The following CNDP2 variants were observed in gnomAD, a reference collection of about 807,000 sequenced individuals.
CNDP2 encodes carnosine dipeptidase 2, also known as cytosolic non-specific dipeptidase.
Under a neutral mutation model 55.0 loss-of-function variants are expected in CNDP2, and 38 were observed. The observed-to-expected ratio is 0.69, with a 90% CI of 0.53 to 0.90. The LOEUF (loss-of-function observed/expected upper bound fraction) is 0.90. Among genes scored for constraint, CNDP2 ranks in the 40% least tolerant of loss-of-function variants. The probability of loss-of-function intolerance (pLI) is 0.00; values close to 1 mark genes in which losing one functional copy is unlikely to be tolerated. For synonymous variants in CNDP2, 241 were observed against 260.2 expected, an observed-to-expected ratio of 0.93 and a Z score of 0.71; for missense variants, 607 against 621.7, an observed-to-expected ratio of 0.98 and a Z score of 0.25.
intron 3 of CNDP2, among the ~76,000 whole-genome samples, chr18:74,505,613 A>C (rs1978967773): frequency 6.6e-6 from 1 of 152,130 alleles, no homozygotes; most frequent in Non-Finnish European, 1.5e-5. Flanking sequence ...AAAAAAAAAA[A>C]AAATTTACCA....
intron 5 of CNDP2, 151 bp downstream of exon 5, chr18:74,509,079 G>A (rs919520529): frequency 3.0e-5 from 18 of 605,190 alleles, no homozygotes; most frequent in Admixed American, 5.8e-5. Flanking sequence ...TGACTCGGAT[G>A]TAAGAGTATA....
intron 8 of CNDP2, 113 bp downstream of exon 8, chr18:74,513,832 A>AC: frequency 9.1e-7 from 1 of 1,100,408 alleles, no homozygotes; most frequent in Non-Finnish European, 1.3e-6. Flanking sequence ...AAGAGCTGGA[A>AC]TGTCCGATGC....
intron 7 of CNDP2, among the ~76,000 whole-genome samples, chr18:74,513,284 C>T (rs3794953): frequency 0.18 from 26,771 of 152,266 alleles, 2,660 homozygotes; most frequent in East Asian, 0.29. Flanking sequence ...ATGGGAATGC[C>T]CAAGCTGCTG....
intron 8 of CNDP2, 56 bp downstream of exon 8, chr18:74,513,775 TC>T: frequency 4.5e-6 from 7 of 1,571,442 alleles, no homozygotes; most frequent in Non-Finnish European, 6.1e-6. Flanking sequence ...GACACAGGTG[TC>T]CCCCAGGCCC....
chr18:74,506,378 C>A (rs1186790064), intron 4 of CNDP2, among the ~76,000 whole-genome samples: 4 of 152,066 alleles, frequency 2.6e-5, no homozygotes, highest in Non-Finnish European at 4.4e-5. Flanking sequence ...CAAGTGATCC[C>A]CCCCACCTCA....
chr18:74,502,972 A>G (rs752557575), intron 3 of CNDP2, among the ~76,000 whole-genome samples: 4 of 151,972 alleles, frequency 2.6e-5, no homozygotes, highest in Non-Finnish European at 5.9e-5. Flanking sequence ...GACTTAGGGT[A>G]TATTATAGCT....
intron 5 of CNDP2, among the ~76,000 whole-genome samples, chr18:74,510,138 G>A (rs561098740): frequency 4.1e-4 from 63 of 152,318 alleles, no homozygotes; most frequent in Admixed American, 1.0e-3. Flanking sequence ...TTCATGTGAC[G>A]GGCAGAAGAG....
Position 74,519,021 on chromosome 18 carries a change from C to T in CNDP2, c.1283C>T (p.Thr428Met), listed in dbSNP as rs148232763. 223 of 1,613,908 alleles carry T rather than the reference C, an allele frequency of 1.4e-4. No homozygotes were observed. In the East Asian group the frequency reaches 1.9e-3, roughly 14 times the overall value. Residue 428 changes from threonine to methionine, a missense_variant, in exon 11 of 12, where the codon ACG (threonine) becomes ATG (methionine). Physicochemically the swap from Thr to Met is moderately conservative, Grantham distance 81. Transcript: ENST00000324262. ...IPVTLTFQEATGKNVMLLPVG... is the reference protein window; with the variant it reads ...IPVTLTFQEAMGKNVMLLPVG... ...GTGACCTTGACCTTTCAGGAGGCCA[C>T]GGGCAAGAACGTCATGCTGCTGCCT...
chr18:74,499,263 G>C (rs117161864), intron 1 of CNDP2: 1 of 152,254 alleles, frequency 6.6e-6, no homozygotes, highest in Non-Finnish European at 1.5e-5. Flanking sequence ...AACAAAAAGA[G>C]TCTGAGGATG....
chr18:74,504,548 A>G (rs1016742068), intron 3 of CNDP2, among the ~76,000 whole-genome samples: 8 of 152,266 alleles, frequency 5.3e-5, no homozygotes, highest in Admixed American at 2.0e-4. Flanking sequence ...TTCTCAGCCT[A>G]TCACCAGCAC....
At position 74,521,041 on chromosome 18, in the gene CNDP2, G is replaced by A. The variant is rs1980018404; in HGVS notation, c.*973G>A. ...CATTTTCCTGTCTTCTCTTTAGTAT[G>A]ATCCCTCAAAACCTCACTAACTGGA... On this transcript the variant is annotated 3_prime_UTR_variant, in exon 12 of 12. Coordinates refer to ENST00000324262, the MANE Select transcript of CNDP2 (RefSeq NM_018235.3). The A allele has an allele frequency of 6.6e-6, 1 of 152,160 alleles. No individual in the cohort carries two copies. The highest frequency in any genetic ancestry group is 1.5e-5 in the Non-Finnish European group (1 of 68,042). The allele number at this position is 152,160 out of a possible 1,614,324, so 9.4% of individuals were successfully genotyped here.
At position 74,518,945 on chromosome 18, in the gene CNDP2, C is replaced by CG. The variant is rs757275631; in HGVS notation, c.1211-4_1211-3insG. 5.0e-6 allele frequency: 8 copies of CG among 1,613,784 alleles called. No homozygotes were observed. Among genetic ancestry groups the CG allele is most frequent in the Non-Finnish European group, 6.8e-6 (8 of 1,179,984 alleles). On this transcript the variant is annotated splice_region_variant and splice_polypyrimidine_tract_variant and intron_variant, in intron 10 of 11. Coordinates refer to ENST00000324262, the MANE Select transcript of CNDP2 (RefSeq NM_018235.3). ...ACCGTTTATTTTATTTCATTTCCCCCCAGTTTTTGGTGTTGAGCCAGACTT... is the reference window on the plus strand; with the variant it reads ...ACCGTTTATTTTATTTCATTTCCCCCGCAGTTTTTGGTGTTGAGCCAGACTT...
chr18:74,519,159 C>A, intron 11 of CNDP2, 63 bp downstream of exon 11: 1 of 1,522,508 alleles, frequency 6.6e-7, no homozygotes, highest in African/African-American at 1.4e-5. Flanking sequence ...CGCCCCTTCC[C>A]CTTCCCCCCG....
At chr18:74,498,733 T>G (rs776114431) in intron 1 of CNDP2, among the ~76,000 whole-genome samples, 15 of 152,208 alleles carry the variant, frequency 9.9e-5, no homozygotes, top group Admixed American at 9.8e-4. Context: ...GCTCATGGGC[T>G]CCATCTTACT....
intron 5 of CNDP2, chr18:74,509,442 C>T (rs1193294737): frequency 6.5e-6 from 1 of 152,756 alleles, no homozygotes. Context: ...CAAGACCAGC[C>T]TGGCCAACAT....
intron 6 of CNDP2, 88 bp downstream of exon 6, chr18:74,511,101 T>C: frequency 8.7e-7 from 1 of 1,146,176 alleles, no homozygotes; most frequent in Non-Finnish European, 1.2e-6. Flanking sequence ...GACCCAGAAG[T>C]CAGGTGCACA....
chr18:74,520,172 C>G lies in CNDP2; in HGVS notation c.*104C>G. 9.7e-7 allele frequency: 1 copy of G among 1,036,170 alleles called. No homozygotes were observed. The highest frequency in any genetic ancestry group is 1.4e-5 in the South Asian group (1 of 71,706). 64.2% of individuals were successfully genotyped at this position (1,036,170 alleles called of 1,614,324 possible). A position where few individuals can be genotyped will look rare whatever the true frequency, so the allele number is the denominator to read the frequency against. On this transcript the variant is annotated 3_prime_UTR_variant, in exon 12 of 12. Transcript: ENST00000324262. The stretch of plus-strand genomic sequence containing the variant: ...TGGAGGTTCCCTCTTTCCTTTCCCT[C>G]TTGTCAGGTCATCCATGACTTTAGA...
chr18:74,496,822 C>T (rs1366921587), intron 1 of CNDP2, among the ~76,000 whole-genome samples: 3 of 152,172 alleles, frequency 2.0e-5, no homozygotes, highest in African/African-American at 7.2e-5. Flanking sequence ...GGCCACACCC[C>T]TCCCCAGGGG....
In CNDP2 at chr18:74,520,142, G is replaced by T; in HGVS notation, c.*74G>T. Reference sequence around the variant, plus strand: ...CCTCACCCTTTTCCAACTTGCCCAGGGAAGTGGAGGTTCCCTCTTTCCTTT... The same window carrying T: ...CCTCACCCTTTTCCAACTTGCCCAGTGAAGTGGAGGTTCCCTCTTTCCTTT... On this transcript the variant is annotated 3_prime_UTR_variant, in exon 12 of 12. Transcript: ENST00000324262. The T allele has an allele frequency of 1.4e-6, 2 of 1,417,900 alleles. No individual in the cohort carries two copies. The highest frequency in any genetic ancestry group is 1.2e-5 in the South Asian group (1 of 85,398). 87.8% of individuals were successfully genotyped at this position (1,417,900 alleles called of 1,614,324 possible). A position where few individuals can be genotyped will look rare whatever the true frequency, so the allele number is the denominator to read the frequency against.
Sources: allele counts gnomAD v4.1 joint callset (sites outside exome capture counted in the v4.1 genomes callset), GRCh38; gene constraint gnomAD v4.1.1; transcripts MANE v1.5; gene names NCBI Gene and HGNC (gene_info 2026-07-23, HGNC 2026-07-21).